RAD51AP1: variants seen among roughly 807,000 people sequenced by gnomAD.
RAD51AP1 encodes the protein RAD51 associated protein 1.
In RAD51AP1, 14 loss-of-function variants were observed where a neutral mutation model predicts 34.3. The ratio of observed to expected loss-of-function variants is 0.41; its 90% CI spans 0.27 to 0.64. The LOEUF is 0.64. RAD51AP1 is among the 30% of genes least tolerant of loss of function. The probability of loss-of-function intolerance (pLI) is 0.33; values close to 1 mark genes in which losing one functional copy is unlikely to be tolerated. For synonymous variants in RAD51AP1, 114 were observed against 129.8 expected (o/e 0.88, Z 0.83); for missense variants, 348 against 386.9 (o/e 0.90, Z 0.84).
At chr12:4,542,286 T>C (rs1200545956) in intron 2 of RAD51AP1, among the ~76,000 whole-genome samples, 2 of 152,194 alleles carry the variant, frequency 1.3e-5, no homozygotes, top group African/African-American at 2.4e-5. Flanking sequence ...TCCCTATTAA[T>C]TGTACTATAA....
chr12:4,557,791 G>T (rs758926733), intron 8 of RAD51AP1, among the ~76,000 whole-genome samples: 2 of 152,136 alleles, frequency 1.3e-5, no homozygotes, highest in Non-Finnish European at 2.9e-5. Flanking sequence ...GTAGACTTGC[G>T]TGGGTAGGAA....
intron 8 of RAD51AP1, 136 bp downstream of exon 8, chr12:4,556,638 G>C (rs1388916424): frequency 2.1e-6 from 2 of 944,760 alleles, no homozygotes; most frequent in Non-Finnish European, 1.5e-6. Flanking sequence ...CCTGGTTGCT[G>C]CATATATTCA....
rs142518068 is a variant in RAD51AP1, at chr12:4,558,964, C to A, written c.979C>A (p.Pro327Thr). 74 of 1,613,966 alleles carry A rather than the reference C, an allele frequency of 4.6e-5. 1 individual carries two copies. In the African/African-American group the frequency reaches 8.3e-4, roughly 18 times the overall value. ...LGLSRLARVK[P>T]LHPNATST is the part of the protein sequence containing the mutation. The stretch of plus-strand genomic sequence containing the variant: ...CTTGTCCAGATTAGCACGAGTTAAA[C>A]CTTTGCATCCAAATGCCACTAGCAC... Residue 327 changes from proline to threonine, a missense_variant, in exon 9 of 9, where the codon CCT (proline) becomes ACT (threonine). Physicochemically the swap from Pro to Thr is conservative, Grantham distance 38 (BLOSUM62 -1). Transcript: ENST00000352618.
intron 1 of RAD51AP1, 64 bp downstream of exon 1, chr12:4,539,020 G>A: frequency 6.4e-7 from 1 of 1,572,070 alleles, no homozygotes; most frequent in East Asian, 2.2e-5. Flanking sequence ...ATGAGACTAA[G>A]GGGAAAGGAT....
Position 4,548,183 on chromosome 12 carries a change from G to A in RAD51AP1, c.406+5G>A, listed in dbSNP as rs779810480. 1.3e-6 allele frequency: 2 copies of A among 1,588,156 alleles called. No homozygotes were observed. The highest frequency in any genetic ancestry group is 1.7e-6 in the Non-Finnish European group (2 of 1,173,566). On this transcript the variant is annotated splice_donor_5th_base_variant and intron_variant, in intron 5 of 8. Coordinates refer to ENST00000352618, the MANE Select transcript of RAD51AP1 (RefSeq NM_006479.5). ...GTGTAGCCAGTGATTATTTAGGTAA[G>A]TTTTTTATATTAATAATTTTTCTCA...
At chr12:4,545,076 T>A in intron 3 of RAD51AP1, 2 of 319,250 alleles carry the variant, frequency 6.3e-6, no homozygotes, top group Non-Finnish European at 1.3e-5. Context: ...AATGAAAACA[T>A]ATGCCCACAC....
At chr12:4,542,831 A>C (rs1944477559) in intron 2 of RAD51AP1, among the ~76,000 whole-genome samples, 1 of 152,234 alleles carries the variant, frequency 6.6e-6, no homozygotes, top group South Asian at 2.1e-4. Context: ...AACAGTTCAG[A>C]GGATTGGTAA....
intron 1 of RAD51AP1, 135 bp from the exon 2 acceptor site, chr12:4,541,745 TTTTA>T (rs1271755688): frequency 1.8e-5 from 5 of 278,874 alleles, no homozygotes; most frequent in Admixed American, 5.2e-5. Context: ...TTTAACACAT[TTTTA>T]TTTATTTCGT....
At chr12:4,544,138 A>G (rs539045363) in intron 3 of RAD51AP1, among the ~76,000 whole-genome samples, 2 of 150,490 alleles carry the variant, frequency 1.3e-5, no homozygotes, top group African/African-American at 4.8e-5. Flanking sequence ...TGTAGAATTC[A>G]GAAGTTATGA....
At chr12:4,546,173 A>G (rs1944504846) in intron 3 of RAD51AP1, 136 bp from the exon 4 acceptor site, 4 of 640,368 alleles carry the variant, frequency 6.2e-6, no homozygotes, top group African/African-American at 3.7e-5. Flanking sequence ...TCAAAGGTCT[A>G]TTAATGATGA....
Position 4,543,825 on chromosome 12 carries a change from A to C in RAD51AP1, c.130A>C (p.Lys44Gln), listed in dbSNP as rs1463029032. Residue 44 changes from lysine (K) to glutamine (Q), a missense_variant, in exon 3 of 9, where the codon AAA (lysine) becomes CAA (glutamine). Coordinates refer to ENST00000352618, the MANE Select transcript of RAD51AP1 (RefSeq NM_006479.5). The part of the protein sequence containing the change: ...KKSRTAPKEL[K>Q]QDKPKPNLNN... ...ATCCAGAACAGCACCAAAGGAGTTAAAACAAGATAAACCAAAACCTAACTT... is the reference window on the plus strand; with the variant it reads ...ATCCAGAACAGCACCAAAGGAGTTACAACAAGATAAACCAAAACCTAACTT... The C allele has an allele frequency of 2.2e-5, 35 of 1,612,290 alleles. No individual in the cohort carries two copies. Among genetic ancestry groups the C allele is most frequent in the Non-Finnish European group, 2.9e-5 (34 of 1,178,684 alleles).
chr12:4,543,580 C>A (rs1001693112), intron 2 of RAD51AP1, among the ~76,000 whole-genome samples, 183 bp from the exon 3 acceptor site: 6 of 151,532 alleles, frequency 4.0e-5, no homozygotes, highest in African/African-American at 1.5e-4. Context: ...ATATAAAGGG[C>A]ACAAAAACAA....
chr12:4,556,590 T>C, intron 8 of RAD51AP1, 88 bp downstream of exon 8: 1 of 1,433,392 alleles, frequency 7.0e-7, no homozygotes, highest in African/African-American at 1.4e-5. Flanking sequence ...TGTGTGAGCA[T>C]TTCCCCATAT....
chr12:4,556,008 G>A (rs1390994134), intron 7 of RAD51AP1, among the ~76,000 whole-genome samples: 1 of 152,152 alleles, frequency 6.6e-6, no homozygotes, highest in African/African-American at 2.4e-5. Context: ...TACAAGGATG[G>A]GATTTTGGAG....
intron 4 of RAD51AP1, 26 bp downstream of exon 4, chr12:4,546,444 CT>C (rs771390855): frequency 2.0e-6 from 3 of 1,486,676 alleles, no homozygotes; most frequent in Non-Finnish European, 2.8e-6. Context: ...GTATATTTAG[CT>C]TTAAAACCTT....
rs1184002064 is a variant in RAD51AP1, at chr12:4,558,822, ACAT to A, written c.872-29_872-27del. The A allele has an allele frequency of 1.9e-6, 3 of 1,596,558 alleles. No individual in the cohort carries two copies. The African/African-American group carries it at 4.0e-5, about 21-fold the overall frequency. On this transcript the variant is annotated intron_variant, in intron 8 of 8. Coordinates refer to ENST00000352618, the MANE Select transcript of RAD51AP1 (RefSeq NM_006479.5). ...ATTAATCTTTGTTAAGAGATTTCTG[ACAT>A]CATCAGCATCACATCATATGTTTCC...
At chr12:4,555,140 T>G (rs1473121146) in intron 7 of RAD51AP1, among the ~76,000 whole-genome samples, 3 of 152,126 alleles carry the variant, frequency 2.0e-5, no homozygotes, top group Non-Finnish European at 4.4e-5. Context: ...AAACAAGCAC[T>G]GTCTGAAAGT....
intron 6 of RAD51AP1, among the ~76,000 whole-genome samples, chr12:4,549,202 A>G (rs1325675420): frequency 2.6e-5 from 4 of 152,204 alleles, no homozygotes; most frequent in African/African-American, 9.6e-5. Context: ...GGAGGGTCTC[A>G]GACCCACTGG....
rs1349481048 is a variant in RAD51AP1, at chr12:4,558,967, T to C, written c.982T>C (p.Leu328=). The C allele has an allele frequency of 2.5e-6, 4 of 1,614,114 alleles. No homozygotes were observed. Among genetic ancestry groups the C allele is most frequent in the Non-Finnish European group, 3.4e-6 (4 of 1,179,986 alleles). Residue 328 remains leucine, a synonymous_variant, in exon 9 of 9, where the codon TTG becomes CTG. Transcript: ENST00000352618. ...GTCCAGATTAGCACGAGTTAAACCT[T>C]TGCATCCAAATGCCACTAGCACCTG... ...GLSRLARVKP[L]HPNATST
Sources: allele counts gnomAD v4.1 joint callset (sites outside exome capture counted in the v4.1 genomes callset), GRCh38; gene constraint gnomAD v4.1.1; transcripts MANE v1.5; gene names NCBI Gene and HGNC (gene_info 2026-07-23, HGNC 2026-07-21).